The following KIF26B variants were observed in gnomAD, a reference collection of about 807,000 sequenced individuals.
KIF26B encodes the protein kinesin family member 26B, also known as kinesin-like protein KIF26B.
A neutral mutation model predicts 151.2 loss-of-function variants in KIF26B; 63 were observed. That is an observed-to-expected ratio of 0.42 (90% CI 0.34 to 0.51). The LOEUF (loss-of-function observed/expected upper bound fraction) is 0.51. Among genes scored for constraint, KIF26B ranks in the 20% least tolerant of loss-of-function variants. KIF26B has a pLI of 0.07. For synonymous variants in KIF26B, 1,357 were observed against 1,262.1 expected (o/e 1.08, Z -1.59); for missense variants, 2,813 against 2,913.6 (o/e 0.97, Z 0.79).
chr1:245,247,129 T>C (rs569774951), intron 2 of KIF26B, among the ~76,000 whole-genome samples: 43 of 152,292 alleles, frequency 2.8e-4, no homozygotes, highest in African/African-American at 1.0e-3. Context: ...CCACTGTGGC[T>C]GCTTAGGATT....
intron 2 of KIF26B, among the ~76,000 whole-genome samples, chr1:245,317,646 G>T (rs1220325885): frequency 6.6e-6 from 1 of 152,206 alleles, no homozygotes; most frequent in Non-Finnish European, 1.5e-5. Context: ...TTCTGTAAGT[G>T]TCGGAGAGGG....
intron 2 of KIF26B, chr1:245,234,288 C>G (rs1321965077): frequency 6.6e-6 from 1 of 152,296 alleles, no homozygotes; most frequent in Admixed American, 6.5e-5. Flanking sequence ...TTTGATACCT[C>G]TAAGTAAATA....
At chr1:245,233,793 A>G (rs540107788) in intron 2 of KIF26B, among the ~76,000 whole-genome samples, 1 of 152,154 alleles carries the variant, frequency 6.6e-6, no homozygotes, top group African/African-American at 2.4e-5. Flanking sequence ...GAGATCATGC[A>G]TCTGTGGTGT....
chr1:245,402,832 T>A (rs1046808377), intron 3 of KIF26B, among the ~76,000 whole-genome samples: 3 of 152,198 alleles, frequency 2.0e-5, no homozygotes, highest in African/African-American at 7.2e-5. Flanking sequence ...GGGGCTATAG[T>A]GGTTTAGATT....
rs200519501 is a variant in KIF26B, at chr1:245,686,843, C to T, written c.3860C>T (p.Ala1287Val). ...AGCTCCTGGCTGAGCGAGATGAGCGCGGGCAGTGAGGGTGAGCAGTCGTGC... is the reference window on the plus strand; with the variant it reads ...AGCTCCTGGCTGAGCGAGATGAGCGTGGGCAGTGAGGGTGAGCAGTCGTGC... ...SISSWLSEMS[A>V]GSEGEQSCHS... is the part of the protein sequence containing the mutation. Residue 1287 changes from alanine to valine, a missense_variant, in exon 12 of 15, where the codon GCG becomes GTG. Ala to Val is a moderately conservative substitution (Grantham distance 64). Coordinates refer to ENST00000407071, the MANE Select transcript of KIF26B (RefSeq NM_018012.4). The surrounding 1 kb of genome is among the most constrained non-coding windows in gnomAD (Gnocchi z 5.6). 2.7e-4 allele frequency: 431 copies of T among 1,613,478 alleles called. No individual in the cohort carries two copies. The highest frequency in any genetic ancestry group is 5.3e-4 in the Admixed American group (32 of 59,980).
chr1:245,690,217 C>T (rs1056900210), intron 12 of KIF26B, among the ~76,000 whole-genome samples: 2 of 152,218 alleles, frequency 1.3e-5, no homozygotes, highest in Admixed American at 6.5e-5. Context: ...CAGAACCCCA[C>T]GTGCAATTCT....
intron 3 of KIF26B, among the ~76,000 whole-genome samples, chr1:245,407,178 TG>T (rs1254610214): frequency 6.6e-6 from 1 of 152,226 alleles, no homozygotes; most frequent in Non-Finnish European, 1.5e-5. Flanking sequence ...TTTCATCTTC[TG>T]GTGCCCCAGA....
chr1:245,525,175 G>T (rs1462958989), intron 4 of KIF26B, among the ~76,000 whole-genome samples: 1 of 152,078 alleles, frequency 6.6e-6, no homozygotes, highest in East Asian at 1.9e-4. Context: ...TGAAAACTGG[G>T]ATCAACTATT....
At chr1:245,192,105 T>TA (rs927310463) in intron 2 of KIF26B, among the ~76,000 whole-genome samples, 6 of 151,852 alleles carry the variant, frequency 4.0e-5, no homozygotes, top group Non-Finnish European at 7.4e-5. Flanking sequence ...CTGAAGCATT[T>TA]AAAAAAAATA....
chr1:245,262,579 C>T (rs371318365), intron 2 of KIF26B, among the ~76,000 whole-genome samples: 2 of 152,070 alleles, frequency 1.3e-5, no homozygotes, highest in Admixed American at 1.3e-4. Context: ...CTCAGGCTCC[C>T]GAATAGCTGG....
intron 5 of KIF26B, among the ~76,000 whole-genome samples, chr1:245,561,205 T>G (rs985640003): frequency 1.3e-5 from 2 of 152,218 alleles, no homozygotes; most frequent in Non-Finnish European, 2.9e-5. Context: ...CATCTTGGCT[T>G]ATTAATAATG....
rs1430884455 is a variant in KIF26B at position 245,352,697 on chromosome 1, A to G, written c.466-14137A>G. Among the ~76,000 whole-genome samples, 1 of 152,208 alleles carries G rather than the reference A, an allele frequency of 6.6e-6. No individual in the cohort carries two copies. The highest frequency in any genetic ancestry group is 2.4e-5 in the African/African-American group (1 of 41,448). On this transcript the variant is annotated intron_variant, in intron 2 of 14. Coordinates refer to ENST00000407071, the MANE Select transcript of KIF26B (RefSeq NM_018012.4). The surrounding 1 kb of genome is among the most constrained non-coding windows in gnomAD (Gnocchi z 5.0). The stretch of plus-strand genomic sequence containing the variant: ...TTCAGAATCGATTCAAGGAAAAGTG[A>G]TAGAGGCAGGTGGGGACGGGGAGGT...
At chr1:245,559,702 G>A (rs537948893) in intron 5 of KIF26B, among the ~76,000 whole-genome samples, 6 of 151,548 alleles carry the variant, frequency 4.0e-5, no homozygotes, top group East Asian at 3.9e-4. Flanking sequence ...GTGAGCCACC[G>A]TGCCCAGCCT....
intron 2 of KIF26B, among the ~76,000 whole-genome samples, chr1:245,258,367 T>A (rs1670578107): frequency 6.6e-6 from 1 of 151,876 alleles, no homozygotes; most frequent in Non-Finnish European, 1.5e-5. Context: ...GGTACCAGAG[T>A]GCATGCGGGA....
intron 2 of KIF26B, among the ~76,000 whole-genome samples, chr1:245,187,634 A>G (rs994719691): frequency 1.3e-5 from 2 of 152,234 alleles, no homozygotes; most frequent in Admixed American, 1.3e-4. Flanking sequence ...CAGAAGTCTC[A>G]GTACACCCAC....
chr1:245,156,130 G>A (rs996877704), intron 1 of KIF26B, among the ~76,000 whole-genome samples, 152 bp from the exon 2 acceptor site: 3 of 152,192 alleles, frequency 2.0e-5, no homozygotes, highest in African/African-American at 7.2e-5. Flanking sequence ...CGAGACAGAC[G>A]GAGGGCAATT....
At chr1:245,184,050 G>GTTTTTTTTTTTTTTT (rs758993117) in intron 2 of KIF26B, among the ~76,000 whole-genome samples, 365 of 19,786 alleles carry the variant, frequency 0.018, 111 homozygotes, top group Middle Eastern at 0.13. Context: ...GGGAGTTGTT[G>GTTTTTTTTTTTTTTT]TTTTTTTTTT....
At position 245,366,892 on chromosome 1, in the gene KIF26B, A is replaced by G. The variant is rs1252807192; in HGVS notation, c.524A>G (p.Lys175Arg). 6.2e-7 allele frequency: 1 copy of G among 1,613,940 alleles called. No individual in the cohort carries two copies. Among genetic ancestry groups the G allele is most frequent in the Admixed American group, 1.7e-5 (1 of 60,012 alleles). The change falls in exon 3 of 15, where the codon AAG (lysine) becomes AGG (arginine). Residue 175 changes from lysine to arginine, a missense_variant. Coordinates refer to ENST00000407071, the MANE Select transcript of KIF26B (RefSeq NM_018012.4). Reference protein sequence around the residue: ...DKLQVPNTIRKAWNDRDNRCD... With the variant: ...DKLQVPNTIRRAWNDRDNRCD... ...CTCCAGGTCCCCAACACCATCCGGA[A>G]GGCATGGAACGACCGGGACAACCGC...
rs531851266 is a variant in KIF26B, at chr1:245,351,294, G to A, written c.466-15540G>A. Among the ~76,000 whole-genome samples the A allele has an allele frequency of 5.5e-4, 84 of 152,274 alleles. 3 individuals are homozygous for A. In the South Asian group the frequency reaches 0.011, roughly 21 times the overall value. Reference sequence around the variant, plus strand: ...GTTTTTCTGTCATCGCTGTTGATACGTGGGCCTTGAGCTCCCTAGTTGCAA... The same window carrying A: ...GTTTTTCTGTCATCGCTGTTGATACATGGGCCTTGAGCTCCCTAGTTGCAA... On this transcript the variant is annotated intron_variant, in intron 2 of 14. Transcript: ENST00000407071.
Sources: allele counts gnomAD v4.1 joint callset (sites outside exome capture counted in the v4.1 genomes callset), GRCh38; gene constraint gnomAD v4.1.1; non-coding constraint Gnocchi (gnomAD v3.1); transcripts MANE v1.5; gene names NCBI Gene and HGNC (gene_info 2026-07-23, HGNC 2026-07-21).